Variants in NRSN1 observed in about 807,000 individuals in gnomAD.
NRSN1 encodes the protein neurensin-1.
Under a neutral mutation model 17.3 loss-of-function variants are expected in NRSN1, and 14 were observed. That is an observed-to-expected ratio of 0.81 (90% confidence interval 0.54 to 1.27). The LOEUF (loss-of-function observed/expected upper bound fraction) is 1.27. NRSN1 is among the 50% of genes most tolerant of loss of function. The pLI, the probability that NRSN1 is intolerant of heterozygous loss-of-function variation, is 0.00. For missense variants in NRSN1, 209 were observed against 235.9 expected, an observed-to-expected ratio of 0.89 and a Z score of 0.75; for synonymous variants, 79 against 94.2, an observed-to-expected ratio of 0.84 and a Z score of 0.93.
intron 3 of NRSN1, among the ~76,000 whole-genome samples, chr6:24,142,191 CTTTTT>C (rs751168423): frequency 2.2e-5 from 1 of 44,446 alleles, no homozygotes; most frequent in African/African-American, 7.5e-5. Context: ...TACAGAACAG[CTTTTT>C]TTTTTTTTTT....
Position 24,146,397 on chromosome 6 carries a change from G to C in NRSN1, c.*451G>C. ...TAAGATTTTGTCATATGTGTTCATA[G>C]AAACATGGAATTCTCTGATTTTGAG... On this transcript the variant is annotated 3_prime_UTR_variant, in exon 4 of 4. Coordinates refer to ENST00000378491, the MANE Select transcript of NRSN1 (RefSeq NM_080723.5). 2 of 394,426 alleles carry C rather than the reference G, an allele frequency of 5.1e-6. No homozygotes were observed. The highest frequency in any genetic ancestry group is 1.0e-5 in the Non-Finnish European group (2 of 192,688). The allele number at this position is 394,426 out of a possible 1,614,324, so 24.4% of individuals were successfully genotyped here.
Position 24,144,332 on chromosome 6 carries a change from T to G in NRSN1, c.190-1216T>G, listed in dbSNP as rs1186806160. On this transcript the variant is annotated intron_variant, in intron 3 of 3. Coordinates refer to ENST00000378491, the MANE Select transcript of NRSN1 (RefSeq NM_080723.5). ...AAGAGGTGAGTAGTTACAAAGACTGTCCATGTCCTCCAGCCAAAACCACCA... is the reference window on the plus strand; with the variant it reads ...AAGAGGTGAGTAGTTACAAAGACTGGCCATGTCCTCCAGCCAAAACCACCA... 3.9e-5 allele frequency among the ~76,000 whole-genome samples: 6 copies of G among 152,290 alleles called. No individual in the cohort carries two copies. In the East Asian group the frequency reaches 1.2e-3, roughly 29 times the overall value.
intron 3 of NRSN1, among the ~76,000 whole-genome samples, chr6:24,140,212 G>A (rs1457630819): frequency 1.3e-5 from 2 of 152,198 alleles, no homozygotes; most frequent in Non-Finnish European, 1.5e-5. Flanking sequence ...AAGACTAAGC[G>A]TGGCTGTCAA....
chr6:24,143,392 C>CA (rs1305206617), intron 3 of NRSN1, among the ~76,000 whole-genome samples: 2 of 152,078 alleles, frequency 1.3e-5, no homozygotes, highest in Non-Finnish European at 2.9e-5. Context: ...GAAGATTAAA[C>CA]AAAAAACACA....
intron 3 of NRSN1, among the ~76,000 whole-genome samples, chr6:24,140,189 A>C (rs1273735708): frequency 6.6e-6 from 1 of 152,216 alleles, no homozygotes; most frequent in Non-Finnish European, 1.5e-5. Context: ...AAGCAGGTTT[A>C]AGGAAATCGT....
At chr6:24,139,538 G>T (rs1760169297) in intron 3 of NRSN1, among the ~76,000 whole-genome samples, 1 of 152,206 alleles carries the variant, frequency 6.6e-6, no homozygotes, top group African/African-American at 2.4e-5. Context: ...AAATGGGAAG[G>T]AAGTGGCAGA....
At chr6:24,127,490 T>G (rs1759966424) in intron 1 of NRSN1, among the ~76,000 whole-genome samples, 1 of 152,220 alleles carries the variant, frequency 6.6e-6, no homozygotes, top group Admixed American at 6.5e-5. Flanking sequence ...ACTAGAGTAA[T>G]GTAGGAAACC....
At chr6:24,134,230 T>C in intron 2 of NRSN1, 89 bp from the exon 3 acceptor site, 1 of 999,170 alleles carries the variant, frequency 1.0e-6, no homozygotes. Context: ...TAGGCATACA[T>C]TACTCAGTCT....
At chr6:24,134,854 G>A (rs906126597) in intron 3 of NRSN1, among the ~76,000 whole-genome samples, 1 of 152,044 alleles carries the variant, frequency 6.6e-6, no homozygotes, top group Non-Finnish European at 1.5e-5. Context: ...TTCCTTACAG[G>A]CGTGGTAAGT....
intron 3 of NRSN1, among the ~76,000 whole-genome samples, chr6:24,135,705 TA>T (rs1760109149): frequency 6.6e-6 from 1 of 152,194 alleles, no homozygotes; most frequent in Admixed American, 6.5e-5. Context: ...AGTGACAATT[TA>T]AATATATCAA....
At chr6:24,127,623 C>A (rs1339034237) in intron 1 of NRSN1, among the ~76,000 whole-genome samples, 4 of 152,034 alleles carry the variant, frequency 2.6e-5, no homozygotes, top group African/African-American at 9.7e-5. Flanking sequence ...TAAAACTCAG[C>A]CTAATAAGTA....
Position 24,146,906 on chromosome 6 carries a change from A to G in NRSN1, c.*960A>G, listed in dbSNP as rs1236124800. The G allele has an allele frequency of 1.3e-5, 2 of 152,262 alleles. No homozygotes were observed. The highest frequency in any genetic ancestry group is 6.5e-5 in the Admixed American group (1 of 15,278). The allele number at this position is 152,262 out of a possible 1,614,324, so 9.4% of individuals were successfully genotyped here. ...CTCAGTCCTAATTTTCCCCTTCTGT[A>G]TAATGGGAGTTCTGGATCACAATAT... is the stretch of plus-strand genomic sequence containing the variant. On this transcript the variant is annotated 3_prime_UTR_variant, in exon 4 of 4. Coordinates refer to ENST00000378491, the MANE Select transcript of NRSN1 (RefSeq NM_080723.5).
Position 24,147,455 on chromosome 6 carries a change from G to A in NRSN1, c.*1509G>A, listed in dbSNP as rs1322613638. 3.3e-5 allele frequency: 5 copies of A among 150,726 alleles called. No homozygotes were observed. Among genetic ancestry groups the A allele is most frequent in the African/African-American group, 1.2e-4 (5 of 40,950 alleles). The allele number at this position is 150,726 out of a possible 1,614,324, so 9.3% of individuals were successfully genotyped here. A position where few individuals can be genotyped will look rare whatever the true frequency, so the allele number is the denominator to read the frequency against. ...AGTGTGGTTATTTTCTCTCCAACAT[G>A]TAATTTTCCATTCTGAGACTGAATA... On this transcript the variant is annotated 3_prime_UTR_variant, in exon 4 of 4. Coordinates refer to ENST00000378491, the MANE Select transcript of NRSN1 (RefSeq NM_080723.5).
chr6:24,139,650 T>C (rs1355431906), intron 3 of NRSN1, among the ~76,000 whole-genome samples: 2 of 152,152 alleles, frequency 1.3e-5, no homozygotes, highest in African/African-American at 2.4e-5. Flanking sequence ...AAAACAGAGA[T>C]CCAGGCTGGA....
intron 2 of NRSN1, among the ~76,000 whole-genome samples, chr6:24,130,415 A>C (rs1237449944): frequency 6.6e-6 from 1 of 152,242 alleles, no homozygotes; most frequent in Non-Finnish European, 1.5e-5. Flanking sequence ...ACATGGGGAC[A>C]AAAAGTTACT....
Position 24,145,863 on chromosome 6 carries a change from A to T in NRSN1, c.505A>T (p.Thr169Ser), listed in dbSNP as rs1760295777. 1 of 1,614,152 alleles carries T rather than the reference A, an allele frequency of 6.2e-7. No individual in the cohort carries two copies. The highest frequency in any genetic ancestry group is 1.3e-5 in the African/African-American group (1 of 74,952). The change falls in exon 4 of 4, where the codon ACA (threonine) becomes TCA (serine). Residue 169 changes from threonine (T) to serine (S), a missense_variant. Coordinates refer to ENST00000378491, the MANE Select transcript of NRSN1 (RefSeq NM_080723.5). This position sits in a 1 kb window ranked among gnomAD's most constrained non-coding sequence, Gnocchi z 4.4. ...ADIKAHTQPV[T>S]KAPGPGETKI... Reference sequence around the variant, plus strand: ...CATCAAAGCCCACACCCAGCCGGTTACAAAAGCTCCAGGGCCAGGGGAAAC... The same window carrying T: ...CATCAAAGCCCACACCCAGCCGGTTTCAAAAGCTCCAGGGCCAGGGGAAAC...
intron 3 of NRSN1, among the ~76,000 whole-genome samples, chr6:24,141,850 G>A (rs1170727273): frequency 6.6e-6 from 1 of 152,144 alleles, no homozygotes; most frequent in Non-Finnish European, 1.5e-5. Context: ...TAAGAGCTGT[G>A]GGGAGGCAAG....
At chr6:24,137,773 A>G (rs1488975692) in intron 3 of NRSN1, among the ~76,000 whole-genome samples, 4 of 152,014 alleles carry the variant, frequency 2.6e-5, no homozygotes, top group African/African-American at 9.7e-5. Context: ...GCTCCCCTTA[A>G]AGCAGGCACA....
At chr6:24,143,142 T>C (rs1415516898) in intron 3 of NRSN1, among the ~76,000 whole-genome samples, 1 of 152,106 alleles carries the variant, frequency 6.6e-6, no homozygotes, top group South Asian at 2.1e-4. Context: ...GTGTTTACAA[T>C]CCTTTAGCTA....
Sources: gnomAD v4.1 joint callset for allele counts (sites outside exome capture counted in the v4.1 genomes callset) on GRCh38, gnomAD v4.1.1 for gene constraint, Gnocchi (gnomAD v3.1) non-coding constraint, MANE v1.5 for transcripts, NCBI Gene and HGNC (gene_info 2026-07-23, HGNC 2026-07-21) for gene names.